CCSER1: variants seen among roughly 807,000 people sequenced by gnomAD.
CCSER1 encodes the protein serine-rich coiled-coil domain-containing protein 1.
A neutral mutation model predicts 82.0 loss-of-function variants in CCSER1; 41 were observed. The observed-to-expected ratio is 0.50, with a 90% CI of 0.39 to 0.65. The LOEUF (loss-of-function observed/expected upper bound fraction) is 0.65. Among genes scored for constraint, CCSER1 ranks in the 30% least tolerant of loss-of-function variants. The pLI is 0.00. For missense variants in CCSER1, 1,119 were observed against 1,064.2 expected, an observed-to-expected ratio of 1.05 and a Z score of -0.72; for synonymous variants, 414 against 383.9, an observed-to-expected ratio of 1.08 and a Z score of -0.92.
At chr4:90,916,151 T>C (rs1581065590) in intron 8 of CCSER1, among the ~76,000 whole-genome samples, 1 of 152,042 alleles carries the variant, frequency 6.6e-6, no homozygotes, top group South Asian at 2.1e-4. Flanking sequence ...CCTCACAGAA[T>C]TGGAAAAAAC....
intron 10 of CCSER1, among the ~76,000 whole-genome samples, chr4:91,128,407 A>C (rs1035580926): frequency 2.6e-5 from 4 of 152,056 alleles, no homozygotes; most frequent in African/African-American, 4.8e-5. Context: ...TCATTTTATC[A>C]GTCACTTCTT....
rs150126807 is a variant in CCSER1 at position 91,297,637 on chromosome 4, G to A, written c.2217+211643G>A. Among the ~76,000 whole-genome samples the A allele has an allele frequency of 7.3e-3, 1,110 of 151,956 alleles. 12 individuals are homozygous for A. Among genetic ancestry groups the A allele is most frequent in the Middle Eastern group, 0.044 (13 of 294 alleles). On this transcript the variant is annotated intron_variant, in intron 10 of 10. Coordinates refer to ENST00000509176, the MANE Select transcript of CCSER1 (RefSeq NM_001145065.2). ...AAAGTCACACAAGGGAAAAGTTCAA[G>A]GTTAGACTGGAAAATAGGAGGTAAA... is the stretch of plus-strand genomic sequence containing the variant.
At chr4:91,202,789 G>GTGTGCATATATA (rs1560512966) in intron 10 of CCSER1, among the ~76,000 whole-genome samples, 4 of 136,414 alleles carry the variant, frequency 2.9e-5, no homozygotes, top group African/African-American at 1.2e-4. Flanking sequence ...GCATATATAT[G>GTGTGCATATATA]TGTGTGTGTA....
At chr4:91,247,301 CAAA>C (rs36047203) in intron 10 of CCSER1, among the ~76,000 whole-genome samples, 2 of 114,330 alleles carry the variant, frequency 1.7e-5, no homozygotes, top group African/African-American at 3.1e-5. Context: ...GACTCCGTCT[CAAA>C]AAAAAAAAAA....
intron 10 of CCSER1, among the ~76,000 whole-genome samples, chr4:91,451,072 T>C (rs1755845496): frequency 9.3e-6 from 1 of 107,412 alleles, no homozygotes; most frequent in Non-Finnish European, 2.1e-5. Context: ...CCGGTGAATG[T>C]GAGTTTTCTA....
At chr4:91,451,632 A>G (rs1428099618) in intron 10 of CCSER1, among the ~76,000 whole-genome samples, 1 of 151,944 alleles carries the variant, frequency 6.6e-6, no homozygotes, top group African/African-American at 2.4e-5. Context: ...ATAACCAAAA[A>G]GAAGGAGGAA....
intron 8 of CCSER1, among the ~76,000 whole-genome samples, 164 bp from the exon 9 acceptor site, chr4:90,923,206 A>G (rs959367339): frequency 6.6e-6 from 1 of 152,176 alleles, no homozygotes; most frequent in Non-Finnish European, 1.5e-5. Context: ...TAAAAATTAA[A>G]GCTCTAAATA....
intron 3 of CCSER1, among the ~76,000 whole-genome samples, chr4:90,323,623 T>A (rs192512984): frequency 3.0e-4 from 46 of 152,238 alleles, no homozygotes; most frequent in African/African-American, 1.0e-3. Context: ...GATGGAGTAA[T>A]GGTGGTTTGG....
At chr4:90,370,029 G>A (rs1747102591) in intron 3 of CCSER1, 1 of 151,902 alleles carries the variant, frequency 6.6e-6, no homozygotes, top group Non-Finnish European at 1.5e-5. Flanking sequence ...CTTACTCAAA[G>A]AAGCACAGCA....
At chr4:91,252,568 G>A (rs372618489) in intron 10 of CCSER1, among the ~76,000 whole-genome samples, 27 of 152,114 alleles carry the variant, frequency 1.8e-4, no homozygotes, top group South Asian at 4.1e-4. Flanking sequence ...GCAGCTCCAC[G>A]TTTTATTTCT....
At chr4:91,196,037 A>G (rs1320304483) in intron 10 of CCSER1, among the ~76,000 whole-genome samples, 2 of 152,060 alleles carry the variant, frequency 1.3e-5, no homozygotes, top group East Asian at 1.9e-4. Context: ...AAATAAAAAA[A>G]TTAGTCGGGT....
At chr4:91,480,090 G>A (rs1382631945) in intron 10 of CCSER1, among the ~76,000 whole-genome samples, 4 of 149,998 alleles carry the variant, frequency 2.7e-5, no homozygotes, top group Non-Finnish European at 5.9e-5. Context: ...TTTTATGGCT[G>A]CATAGTATTC....
intron 7 of CCSER1, among the ~76,000 whole-genome samples, chr4:90,811,247 G>C (rs760179742): frequency 3.3e-5 from 5 of 152,170 alleles, no homozygotes; most frequent in Non-Finnish European, 7.3e-5. Flanking sequence ...AAAGTGAGGA[G>C]ATGTGAAACA....
At chr4:90,229,375 T>G (rs532821336) in intron 1 of CCSER1, among the ~76,000 whole-genome samples, 100 of 151,856 alleles carry the variant, frequency 6.6e-4, no homozygotes, top group African/African-American at 2.4e-3. Flanking sequence ...AAACTAAGCT[T>G]TATAAGTGAG....
chr4:90,811,989 T>C (rs924050200), intron 7 of CCSER1, among the ~76,000 whole-genome samples: 2,223 of 101,668 alleles, frequency 0.022, 42 homozygotes, highest in African/African-American at 0.065. Flanking sequence ...TATATATATA[T>C]AAACACATAT....
intron 10 of CCSER1, among the ~76,000 whole-genome samples, chr4:91,244,646 T>G (rs906769205): frequency 6.6e-6 from 1 of 152,150 alleles, no homozygotes; most frequent in African/African-American, 2.4e-5. Context: ...TCCCTTCAAC[T>G]CCTGGAAAGC....
chr4:91,534,417 T>C (rs1161043609), intron 10 of CCSER1, among the ~76,000 whole-genome samples: 1 of 152,022 alleles, frequency 6.6e-6, no homozygotes, highest in African/African-American at 2.4e-5. Flanking sequence ...TCCTTAAAAA[T>C]CAAGTTCTAT....
intron 10 of CCSER1, among the ~76,000 whole-genome samples, chr4:91,314,378 C>T (rs28716378): frequency 1.3e-5 from 2 of 151,896 alleles, no homozygotes; most frequent in Non-Finnish European, 2.9e-5. Flanking sequence ...ATCTAGGGAA[C>T]CTTATAATCC....
At chr4:91,345,782 AGTATTAT>A (rs2149292901) in intron 10 of CCSER1, among the ~76,000 whole-genome samples, 1 of 152,198 alleles carries the variant, frequency 6.6e-6, no homozygotes, top group South Asian at 2.1e-4. Flanking sequence ...CTCTCATCAG[AGTATTAT>A]GTAGGACAGT....
Sources: allele counts gnomAD v4.1 joint callset (sites outside exome capture counted in the v4.1 genomes callset), GRCh38; gene constraint gnomAD v4.1.1; transcripts MANE v1.5; gene names NCBI Gene and HGNC (gene_info 2026-07-23, HGNC 2026-07-21).